RAPGEF5: variants seen among roughly 807,000 people sequenced by gnomAD.
The protein encoded by RAPGEF5 is Rap guanine nucleotide exchange factor 5.
A neutral mutation model predicts 125.2 loss-of-function variants in RAPGEF5; 65 were observed. The ratio of observed to expected loss-of-function variants is 0.52; its 90% confidence interval spans 0.43 to 0.64. The LOEUF is 0.64. Among genes scored for constraint, RAPGEF5 ranks in the 30% least tolerant of loss-of-function variants. RAPGEF5 has a pLI of 0.00. For missense variants in RAPGEF5, 958 were observed against 1,048.1 expected, an observed-to-expected ratio of 0.91 and a Z score of 1.19; for synonymous variants, 391 against 385.9, an observed-to-expected ratio of 1.01 and a Z score of -0.16.
chr7:22,271,222 T>G (rs187255627), intron 6 of RAPGEF5, among the ~76,000 whole-genome samples: 91 of 152,318 alleles, frequency 6.0e-4, no homozygotes, highest in Middle Eastern at 3.4e-3. Flanking sequence ...TAAATCAGAA[T>G]CTCGGGATTG....
intron 1 of RAPGEF5, among the ~76,000 whole-genome samples, chr7:22,342,952 C>T (rs1482538400): frequency 6.6e-6 from 1 of 152,240 alleles, no homozygotes; most frequent in Non-Finnish European, 1.5e-5. Context: ...TCCAAAGTCG[C>T]TTCCACATTT....
At chr7:22,355,598 C>T (rs1488324377) in intron 1 of RAPGEF5, among the ~76,000 whole-genome samples, 3 of 152,276 alleles carry the variant, frequency 2.0e-5, no homozygotes, top group East Asian at 1.9e-4. Flanking sequence ...TCTGGGTCAC[C>T]GACTTTAAGA....
chr7:22,271,918 T>C (rs1239923765), intron 6 of RAPGEF5, among the ~76,000 whole-genome samples: 1 of 152,176 alleles, frequency 6.6e-6, no homozygotes, highest in Non-Finnish European at 1.5e-5. Flanking sequence ...CTGTTTTGCA[T>C]CAAAGCTAAG....
At chr7:22,126,727 C>T (rs1301231902) in intron 24 of RAPGEF5, among the ~76,000 whole-genome samples, 1 of 151,388 alleles carries the variant, frequency 6.6e-6, no homozygotes, top group Admixed American at 6.6e-5. Context: ...AATTCTCCTG[C>T]CTCAGCCTCC....
intron 6 of RAPGEF5, among the ~76,000 whole-genome samples, chr7:22,272,532 A>G (rs1257747090): frequency 6.6e-6 from 1 of 152,092 alleles, no homozygotes; most frequent in African/African-American, 2.4e-5. Flanking sequence ...TCTTAGAAAC[A>G]TTTAAATTTT....
chr7:22,163,983 C>CA (rs1328259759), intron 12 of RAPGEF5, among the ~76,000 whole-genome samples: 13 of 151,934 alleles, frequency 8.6e-5, no homozygotes, highest in East Asian at 1.9e-4. Flanking sequence ...CAGGCAAACA[C>CA]AAAAAAAATC....
At chr7:22,299,752 G>A (rs1394082527) in intron 5 of RAPGEF5, among the ~76,000 whole-genome samples, 2 of 152,038 alleles carry the variant, frequency 1.3e-5, no homozygotes, top group Non-Finnish European at 2.9e-5. Context: ...TTTCATTGTA[G>A]AGGATTGACA....
At chr7:22,137,939 G>A (rs376895962) in intron 21 of RAPGEF5, among the ~76,000 whole-genome samples, 4 of 151,324 alleles carry the variant, frequency 2.6e-5, no homozygotes, top group East Asian at 3.9e-4. Context: ...GATTTTTTTC[G>A]ATGTGGTAAT....
intron 11 of RAPGEF5, among the ~76,000 whole-genome samples, chr7:22,190,705 A>G (rs766926841): frequency 6.6e-6 from 1 of 152,198 alleles, no homozygotes; most frequent in Non-Finnish European, 1.5e-5. Context: ...TGGGTCCTGC[A>G]CCTACATTTT....
intron 6 of RAPGEF5, among the ~76,000 whole-genome samples, chr7:22,286,769 G>A (rs1049376795): frequency 3.9e-5 from 6 of 152,160 alleles, no homozygotes; most frequent in Non-Finnish European, 5.9e-5. Context: ...AGACCCCTGG[G>A]TTGTAATATG....
At chr7:22,327,917 A>G (rs1336191954) in intron 1 of RAPGEF5, among the ~76,000 whole-genome samples, 1 of 152,200 alleles carries the variant, frequency 6.6e-6, no homozygotes, top group African/African-American at 2.4e-5. Context: ...ATCAACCACT[A>G]ATGTAAAATT....
chr7:22,307,551 A>G (rs1243476093), intron 5 of RAPGEF5, among the ~76,000 whole-genome samples: 2 of 152,138 alleles, frequency 1.3e-5, no homozygotes, highest in Non-Finnish European at 2.9e-5. Context: ...CCTCCTTCTC[A>G]ACAGTCAACT....
intron 7 of RAPGEF5, among the ~76,000 whole-genome samples, chr7:22,231,664 A>G (rs1478299164): frequency 6.6e-6 from 1 of 152,226 alleles, no homozygotes; most frequent in East Asian, 1.9e-4. Context: ...CCAATTTCAC[A>G]CTGACATTCA....
intron 8 of RAPGEF5, among the ~76,000 whole-genome samples, chr7:22,228,125 A>C (rs1785964765): frequency 6.6e-6 from 1 of 152,176 alleles, no homozygotes; most frequent in African/African-American, 2.4e-5. Flanking sequence ...TTGGGTGCTT[A>C]CTGTGTGTCA....
At chr7:22,312,332 C>G (rs148432078) in intron 3 of RAPGEF5, among the ~76,000 whole-genome samples, 77 of 152,252 alleles carry the variant, frequency 5.1e-4, no homozygotes, top group African/African-American at 1.7e-3. Context: ...CCTCAGCCCC[C>G]CAAGTAGCTA....
rs182791429 is a variant in RAPGEF5, at chr7:22,151,514, T to C, written c.1787-1010A>G. On this transcript the variant is annotated intron_variant, in intron 17 of 25. Coordinates refer to ENST00000665637, the MANE Select transcript of RAPGEF5 (RefSeq NM_012294.5). ...TTGCACTCTGTCACCCAGGCTAGAG[T>C]GCACTAGTGTGATCTCGGCTCACCG... Among the ~76,000 whole-genome samples, 1,367 of 146,302 alleles carry C rather than the reference T, an allele frequency of 9.3e-3. 10 individuals carry two copies. Among genetic ancestry groups the C allele is most frequent in the Non-Finnish European group, 0.014 (952 of 67,318 alleles).
At chr7:22,213,210 T>C (rs1253363203) in intron 9 of RAPGEF5, among the ~76,000 whole-genome samples, 1 of 152,204 alleles carries the variant, frequency 6.6e-6, no homozygotes, top group East Asian at 1.9e-4. Flanking sequence ...AAAATACAGC[T>C]AATGAGCAGA....
At chr7:22,144,265 G>C (rs568764750) in intron 20 of RAPGEF5, among the ~76,000 whole-genome samples, 5 of 152,166 alleles carry the variant, frequency 3.3e-5, no homozygotes, top group African/African-American at 1.2e-4. Context: ...CTTTGAAAGC[G>C]AACACAGCCT....
At chr7:22,281,475 G>C (rs988921047) in intron 6 of RAPGEF5, among the ~76,000 whole-genome samples, 6 of 152,186 alleles carry the variant, frequency 3.9e-5, no homozygotes, top group African/African-American at 1.2e-4. Flanking sequence ...GCCACCCAAA[G>C]TGCTGGGATT....
Sources: gnomAD v4.1 joint callset for allele counts (sites outside exome capture counted in the v4.1 genomes callset) on GRCh38, gnomAD v4.1.1 for gene constraint, MANE v1.5 for transcripts, NCBI Gene and HGNC (gene_info 2026-07-23, HGNC 2026-07-21) for gene names.